Variants in SLC44A1 observed in about 807,000 individuals in gnomAD.
The protein encoded by SLC44A1 is choline transporter-like protein 1.
SLC44A1 carries 26 observed loss-of-function variants against 79.3 expected under a neutral mutation model. That is an observed-to-expected ratio of 0.33 (90% CI 0.24 to 0.46). The LOEUF (loss-of-function observed/expected upper bound fraction) is 0.46. SLC44A1 is among the 20% of genes least tolerant of loss of function. The pLI is 1.00. For synonymous variants in SLC44A1, 263 were observed against 286.2 expected (o/e 0.92, Z 0.82); for missense variants, 688 against 798.1 (o/e 0.86, Z 1.66).
At chr9:105,339,988 A>G (rs1354306852) in intron 4 of SLC44A1, among the ~76,000 whole-genome samples, 13 of 152,230 alleles carry the variant, frequency 8.5e-5, no homozygotes, top group Admixed American at 8.5e-4. Flanking sequence ...AGACTGCATA[A>G]TTCCACTTAC....
chr9:105,401,960 T>C (rs1828964338), downstream of SLC44A1, among the ~76,000 whole-genome samples: 1 of 152,098 alleles, frequency 6.6e-6, no homozygotes, highest in Non-Finnish European at 1.5e-5. Context: ...CTGTCTCAGC[T>C]GAGTCTTGAA....
At chr9:105,400,477 G>A (rs1447763440), downstream of SLC44A1, among the ~76,000 whole-genome samples, 1 of 113,332 alleles carries the variant, frequency 8.8e-6, no homozygotes. Flanking sequence ...GACAGAGCAA[G>A]ACGCCATCTC....
rs1338927657 is a variant in SLC44A1 at position 105,374,753 on chromosome 9, T to C, written c.1632+18T>C. The C allele has an allele frequency of 6.3e-7, 1 of 1,586,988 alleles. No individual in the cohort carries two copies. Among genetic ancestry groups the C allele is most frequent in the African/African-American group, 1.3e-5 (1 of 74,228 alleles). Reference sequence around the variant, plus strand: ...TTGGCAAGGTAAAACCAAGTATTTTTTCTGCAACATACAGTAAAATTTTGC... The same window carrying C: ...TTGGCAAGGTAAAACCAAGTATTTTCTCTGCAACATACAGTAAAATTTTGC... On this transcript the variant is annotated intron_variant, in intron 13 of 15. Transcript: ENST00000374720.
chr9:105,288,071 A>T (rs1021703936), intron 1 of SLC44A1, among the ~76,000 whole-genome samples: 25 of 152,226 alleles, frequency 1.6e-4, no homozygotes, highest in African/African-American at 5.5e-4. Context: ...CAAATTACTT[A>T]AAAATTGCAT....
intron 1 of SLC44A1, among the ~76,000 whole-genome samples, chr9:105,284,124 A>G (rs1399983829): frequency 6.6e-6 from 1 of 152,028 alleles, no homozygotes; most frequent in Non-Finnish European, 1.5e-5. Flanking sequence ...TTTATTTTTC[A>G]CTATAACTAC....
At chr9:105,353,487 G>T (rs1473336580) in intron 5 of SLC44A1, among the ~76,000 whole-genome samples, 1 of 152,016 alleles carries the variant, frequency 6.6e-6, no homozygotes, top group Non-Finnish European at 1.5e-5. Flanking sequence ...TTGTATCATC[G>T]ATTTATGGGT....
chr9:105,425,852 A>G (rs1437141558), intron 15 of SLC44A1, among the ~76,000 whole-genome samples: 1 of 152,158 alleles, frequency 6.6e-6, no homozygotes. Flanking sequence ...AAAACCCTGT[A>G]TATTTGGGAG....
chr9:105,258,741 G>A (rs1829770431), intron 1 of SLC44A1, among the ~76,000 whole-genome samples: 1 of 152,164 alleles, frequency 6.6e-6, no homozygotes, highest in Admixed American at 6.5e-5. Flanking sequence ...AGGCTGGAGT[G>A]CAGCGGCGCA....
intron 3 of SLC44A1, 116 bp downstream of exon 3, chr9:105,309,982 C>A: frequency 9.2e-7 from 1 of 1,083,940 alleles, no homozygotes. Flanking sequence ...TTTTATGTGA[C>A]TTCTGTTGGT....
At chr9:105,351,580 GAGAGAAA>G (rs1217370464) in intron 5 of SLC44A1, among the ~76,000 whole-genome samples, 11 of 124,970 alleles carry the variant, frequency 8.8e-5, no homozygotes, top group Middle Eastern at 4.0e-3. Context: ...AAGAGAGAAA[GAGAGAAA>G]GAGAGAAAGA....
At chr9:105,427,716 G>A (rs1392750981) in intron 15 of SLC44A1, among the ~76,000 whole-genome samples, 1 of 152,144 alleles carries the variant, frequency 6.6e-6, no homozygotes, top group Admixed American at 6.6e-5. Context: ...ACTACATCAA[G>A]TGGTGAAGGC....
At position 105,396,313 on chromosome 9, in the gene SLC44A1, A is replaced by G; in HGVS notation, c.*7257A>G. ...AGTTCAGTGGTTATTAACTGATTTT[A>G]TTACAGGAGAAAAAAACTTTAACAA... On this transcript the variant is annotated 3_prime_UTR_variant, in exon 16 of 16. Transcript: ENST00000374720. 8 of 985,224 alleles carry G rather than the reference A, an allele frequency of 8.1e-6. No homozygotes were observed. Among genetic ancestry groups the G allele is most frequent in the Non-Finnish European group, 9.6e-6 (8 of 829,748 alleles). The allele number at this position is 985,224 out of a possible 1,614,324, so 61.0% of individuals were successfully genotyped here.
At chr9:105,408,941 G>T (rs1829063160) in intron 15 of SLC44A1, among the ~76,000 whole-genome samples, 1 of 151,910 alleles carries the variant, frequency 6.6e-6, no homozygotes, top group Admixed American at 6.6e-5. Context: ...AACCCCCAAG[G>T]TAACATTAAC....
At chr9:105,400,744 T>G (rs1017715821), downstream of SLC44A1, among the ~76,000 whole-genome samples, 4 of 152,192 alleles carry the variant, frequency 2.6e-5, no homozygotes, top group Non-Finnish European at 4.4e-5. Context: ...TTTTTTATAG[T>G]TTTTATAATT....
intron 2 of SLC44A1, among the ~76,000 whole-genome samples, chr9:105,309,423 G>A (rs1367435727): frequency 6.6e-6 from 1 of 152,184 alleles, no homozygotes; most frequent in African/African-American, 2.4e-5. Context: ...CTGGCACAGA[G>A]CAGATGTTCT....
chr9:105,276,602 GTGTGTGTGTGTGTGTGTA>G (rs1347000227), intron 1 of SLC44A1, among the ~76,000 whole-genome samples: 3 of 150,240 alleles, frequency 2.0e-5, no homozygotes, highest in African/African-American at 7.4e-5. Context: ...GTGTGTGTGT[GTGTGTGTGTGTGTGTGTA>G]TGTGCCTGCA....
intron 12 of SLC44A1, among the ~76,000 whole-genome samples, chr9:105,373,508 A>G (rs1227802604): frequency 1.3e-5 from 2 of 152,184 alleles, no homozygotes; most frequent in African/African-American, 2.4e-5. Flanking sequence ...GTCAGCTAGA[A>G]CTCAGTATTT....
At chr9:105,377,218 A>G (rs1400888068) in intron 13 of SLC44A1, among the ~76,000 whole-genome samples, 1 of 152,222 alleles carries the variant, frequency 6.6e-6, no homozygotes. Flanking sequence ...TTTTTTATTA[A>G]GAGTTTACAA....
intron 6 of SLC44A1, among the ~76,000 whole-genome samples, chr9:105,356,684 AC>A (rs749818525): frequency 6.6e-4 from 101 of 152,062 alleles, no homozygotes; most frequent in Non-Finnish European, 1.1e-3. Flanking sequence ...TGAATCAACA[AC>A]CCTCTGTTTT....
Sources: gnomAD v4.1 joint callset for allele counts (sites outside exome capture counted in the v4.1 genomes callset) on GRCh38, gnomAD v4.1.1 for gene constraint, MANE v1.5 for transcripts, NCBI Gene and HGNC (gene_info 2026-07-23, HGNC 2026-07-21) for gene names.